Variants in DSCAM observed in about 807,000 individuals in gnomAD.
DSCAM encodes DS cell adhesion molecule.
Under a neutral mutation model 217.7 loss-of-function variants are expected in DSCAM, and 47 were observed. The ratio of observed to expected loss-of-function variants is 0.22; its 90% CI spans 0.17 to 0.28. DSCAM has a LOEUF of 0.28. Ranked by LOEUF, DSCAM falls within the 10% of genes least tolerant of loss-of-function variation. DSCAM has a pLI of 1.00. For synonymous variants in DSCAM, 1,056 were observed against 1,015.3 expected, an observed-to-expected ratio of 1.04 and a Z score of -0.76; for missense variants, 2,080 against 2,618.3, an observed-to-expected ratio of 0.79 and a Z score of 4.49.
chr21:40,517,251 A>G (rs1483900411), intron 3 of DSCAM, among the ~76,000 whole-genome samples: 1 of 149,460 alleles, frequency 6.7e-6, no homozygotes, highest in Non-Finnish European at 1.5e-5. Context: ...TTATGTGTGT[A>G]TATATATACC....
At chr21:40,628,394 A>G (rs2089632973) in intron 3 of DSCAM, among the ~76,000 whole-genome samples, 1 of 152,198 alleles carries the variant, frequency 6.6e-6, no homozygotes, top group Non-Finnish European at 1.5e-5. Flanking sequence ...CTCTTCTTCT[A>G]TAAAATGGGG....
chr21:40,839,024 T>C (rs1011489663), intron 1 of DSCAM, among the ~76,000 whole-genome samples: 1 of 152,176 alleles, frequency 6.6e-6, no homozygotes, highest in Non-Finnish European at 1.5e-5. Context: ...AAATTGTATA[T>C]ACTTAAGGAA....
chr21:40,764,493 C>T (rs1223381060), intron 1 of DSCAM, among the ~76,000 whole-genome samples: 1 of 152,180 alleles, frequency 6.6e-6, no homozygotes, highest in Non-Finnish European at 1.5e-5. Context: ...CACTTTCACA[C>T]TGTTGGTGGG....
chr21:40,825,105 T>TG (rs1448538678), intron 1 of DSCAM, among the ~76,000 whole-genome samples: 16 of 151,542 alleles, frequency 1.1e-4, no homozygotes, highest in Admixed American at 1.0e-3. Context: ...GTTAATATAG[T>TG]GTTTTTTTCT....
At chr21:40,316,456 G>C (rs16999671) in intron 8 of DSCAM, among the ~76,000 whole-genome samples, 1 of 152,120 alleles carries the variant, frequency 6.6e-6, no homozygotes, top group Non-Finnish European at 1.5e-5. Flanking sequence ...TAAGACATAA[G>C]ATCGATGGCA....
rs1201626770 is a variant in DSCAM, at chr21:40,042,673, T to G, written c.5384A>C (p.Asp1795Ala). The change falls in exon 32 of 33, where the codon GAT becomes GCT. Residue 1795 changes from aspartate (D) to alanine (A), a missense_variant and splice_region_variant. Physicochemically the swap from Asp to Ala is moderately radical, Grantham distance 126. Transcript: ENST00000400454. ...SYSVSPSQDT[D>A]RARSSMVSTE... ...GGAGACCATGCTGCTTCTTGCTCGA[T>G]CTACACCAGGAAAGAGAAAAACAAG... is the stretch of plus-strand genomic sequence containing the variant. 1 of 1,602,046 alleles carries G rather than the reference T, an allele frequency of 6.2e-7. No individual in the cohort carries two copies. Among genetic ancestry groups the G allele is most frequent in the East Asian group, 2.2e-5 (1 of 44,750 alleles).
chr21:40,313,686 C>G (rs1287698938), intron 8 of DSCAM, among the ~76,000 whole-genome samples: 3 of 152,010 alleles, frequency 2.0e-5, no homozygotes, highest in Non-Finnish European at 4.4e-5. Context: ...GGTCTTAGAA[C>G]TAGTTAACTA....
intron 28 of DSCAM, among the ~76,000 whole-genome samples, chr21:40,058,739 GTGTTC>G (rs1199929606): frequency 6.6e-6 from 1 of 152,086 alleles, no homozygotes; most frequent in Non-Finnish European, 1.5e-5. Context: ...TTATCACTCT[GTGTTC>G]TGTTAACCTC....
intron 3 of DSCAM, among the ~76,000 whole-genome samples, chr21:40,499,020 G>T (rs983466927): frequency 6.6e-6 from 1 of 151,226 alleles, no homozygotes; most frequent in Non-Finnish European, 1.5e-5. Context: ...AAGAGAGCTG[G>T]AGCTATAAAT....
At chr21:40,359,284 T>C (rs1271294668) in intron 4 of DSCAM, among the ~76,000 whole-genome samples, 1 of 152,188 alleles carries the variant, frequency 6.6e-6, no homozygotes, top group African/African-American at 2.4e-5. Context: ...GAATGCCCCC[T>C]CAGTGAAGTC....
chr21:40,468,579 G>A (rs1301016709), intron 3 of DSCAM, among the ~76,000 whole-genome samples: 1 of 152,104 alleles, frequency 6.6e-6, no homozygotes, highest in Non-Finnish European at 1.5e-5. Flanking sequence ...TTTGGAGTGG[G>A]GCAAGGGCTG....
chr21:40,116,624 C>A (rs62237611), intron 20 of DSCAM, among the ~76,000 whole-genome samples: 18,482 of 151,252 alleles, frequency 0.12, 1,236 homozygotes, highest in Non-Finnish European at 0.16. Flanking sequence ...ATTACATGTG[C>A]GTAAATGGAA....
chr21:40,676,706 T>C lies in DSCAM; in HGVS notation c.508+16104A>G, dbSNP rs181760530. 8.3e-4 allele frequency among the ~76,000 whole-genome samples: 126 copies of C among 152,314 alleles called. 1 individual carries two copies. The East Asian group carries it at 0.018, about 21-fold the overall frequency. ...GAACACAGAATTTACTGACCTTGAA[T>C]AAATCCTTGTGGATCATTTAAAAAT... On this transcript the variant is annotated intron_variant, in intron 3 of 32. Coordinates refer to ENST00000400454, the MANE Select transcript of DSCAM (RefSeq NM_001389.5).
At position 40,631,158 on chromosome 21, in the gene DSCAM, C is replaced by T. The variant is rs73368979; in HGVS notation, c.508+61652G>A. Reference sequence around the variant, plus strand: ...CCAAGTCACTTCGTATTATCTTATACGTGGCCTCTCTGCATGGCTCAGTGG... The same window carrying T: ...CCAAGTCACTTCGTATTATCTTATATGTGGCCTCTCTGCATGGCTCAGTGG... On this transcript the variant is annotated intron_variant, in intron 3 of 32. Transcript: ENST00000400454. Among the ~76,000 whole-genome samples the T allele has an allele frequency of 4.8e-3, 730 of 152,284 alleles. 7 individuals are homozygous for T. The highest frequency in any genetic ancestry group is 0.017 in the African/African-American group (710 of 41,550).
At chr21:40,358,781 A>G (rs1008471417) in intron 4 of DSCAM, among the ~76,000 whole-genome samples, 3 of 151,460 alleles carry the variant, frequency 2.0e-5, no homozygotes, top group African/African-American at 4.9e-5. Context: ...CAGCCTGGGC[A>G]ACAAAGCAAG....
intron 3 of DSCAM, among the ~76,000 whole-genome samples, chr21:40,521,725 G>A (rs1224163046): frequency 6.6e-6 from 1 of 152,080 alleles, no homozygotes; most frequent in Non-Finnish European, 1.5e-5. Flanking sequence ...AGGGAGATGG[G>A]GAGTGGAGGG....
chr21:40,097,981 A>G lies in DSCAM; in HGVS notation c.3697-4107T>C, dbSNP rs977455411. On this transcript the variant is annotated intron_variant, in intron 20 of 32. Coordinates refer to ENST00000400454, the MANE Select transcript of DSCAM (RefSeq NM_001389.5). The stretch of plus-strand genomic sequence containing the variant: ...AAGAAAGAAAGAAAGAAAGAAAGAA[A>G]GAAAGAAAGAAAGAAAGAAAGAAAG... Among the ~76,000 whole-genome samples, 53 of 123,774 alleles carry G rather than the reference A, an allele frequency of 4.3e-4. 9 individuals carry two copies. Among genetic ancestry groups the G allele is most frequent in the Non-Finnish European group, 7.3e-4 (43 of 59,204 alleles). 81.2% of individuals were successfully genotyped at this position (123,774 alleles called of 152,430 possible). A position where few individuals can be genotyped will look rare whatever the true frequency, so the allele number is the denominator to read the frequency against.
At chr21:40,111,743 A>T (rs560724685) in intron 20 of DSCAM, among the ~76,000 whole-genome samples, 158 of 152,248 alleles carry the variant, frequency 1.0e-3, no homozygotes, top group African/African-American at 3.7e-3. Flanking sequence ...AATAGAAAAC[A>T]AAAAAAGGCA....
intron 11 of DSCAM, among the ~76,000 whole-genome samples, chr21:40,198,569 G>A (rs8129541): frequency 0.051 from 7,753 of 152,292 alleles, 446 homozygotes; most frequent in African/African-American, 0.14. Flanking sequence ...CTGCCACCTA[G>A]AAGCAGGGAG....
Sources: gnomAD v4.1 joint callset for allele counts (sites outside exome capture counted in the v4.1 genomes callset) on GRCh38, gnomAD v4.1.1 for gene constraint, MANE v1.5 for transcripts, NCBI Gene and HGNC (gene_info 2026-07-23, HGNC 2026-07-21) for gene names.